The following PTPRD variants were observed in gnomAD, a reference collection of about 807,000 sequenced individuals.
PTPRD encodes protein tyrosine phosphatase receptor type D.
A neutral mutation model predicts 214.5 loss-of-function variants in PTPRD; 34 were observed. That is an observed-to-expected ratio of 0.16 (90% CI 0.12 to 0.21). The LOEUF is 0.21. Ranked by LOEUF, PTPRD falls within the 10% of genes least tolerant of loss-of-function variation. The pLI is 1.00. For missense variants in PTPRD, 2,545 were observed against 2,398.7 expected (o/e 1.06, Z -1.27); for synonymous variants, 1,128 against 845.7 (o/e 1.33, Z -5.79).
At chr9:10,168,479 A>G (rs2099173777) in intron 3 of PTPRD, among the ~76,000 whole-genome samples, 1 of 152,206 alleles carries the variant, frequency 6.6e-6, no homozygotes, top group Non-Finnish European at 1.5e-5. Context: ...TTGCCTCGGC[A>G]TGGGCTCTTA....
chr9:8,842,761 G>C (rs1225102255), intron 11 of PTPRD, among the ~76,000 whole-genome samples: 1 of 152,186 alleles, frequency 6.6e-6, no homozygotes, highest in Admixed American at 6.5e-5. Flanking sequence ...GGATTGGCCT[G>C]ATCTGTGACA....
At chr9:10,397,482 T>C (rs1320423923) in intron 2 of PTPRD, among the ~76,000 whole-genome samples, 1 of 151,974 alleles carries the variant, frequency 6.6e-6, no homozygotes, top group Non-Finnish European at 1.5e-5. Context: ...AAATGGAAAA[T>C]AATAGTGGAC....
Position 9,419,136 on chromosome 9 carries a change from C to CAG in PTPRD, c.-236-21655_-236-21654insCT, listed in dbSNP as rs1445824729. Among the ~76,000 whole-genome samples, 12 of 150,100 alleles carry CAG rather than the reference C, an allele frequency of 8.0e-5. No homozygotes were observed. The East Asian group carries it at 2.3e-3, about 29-fold the overall frequency. ...TAAAGATAGGCCCCTTATACACACA[C>CAG]ACACACACACACACACACACACACA... On this transcript the variant is annotated intron_variant, in intron 8 of 45. Coordinates refer to ENST00000381196, the MANE Select transcript of PTPRD (RefSeq NM_002839.4).
At chr9:8,381,026 C>T (rs10758968) in intron 37 of PTPRD, among the ~76,000 whole-genome samples, 95,522 of 152,008 alleles carry the variant, frequency 0.63, 31,803 homozygotes, top group African/African-American at 0.85. Flanking sequence ...TAATCCAAAA[C>T]GTATTTGCCA....
At chr9:8,760,760 T>C (rs914965431) in intron 11 of PTPRD, among the ~76,000 whole-genome samples, 37 of 152,112 alleles carry the variant, frequency 2.4e-4, no homozygotes, top group African/African-American at 8.9e-4. Flanking sequence ...ATGGCCTTTC[T>C]AGTGATTATT....
rs568088977 is a variant in PTPRD at position 10,408,999 on chromosome 9, G to A, written c.-599-67982C>T. 7.2e-5 allele frequency among the ~76,000 whole-genome samples: 11 copies of A among 151,804 alleles called. No individual in the cohort carries two copies. The East Asian group carries it at 2.0e-3, about 27-fold the overall frequency. ...AAACTAAATTAAATGTAAGACTATA[G>A]ATCAGGAATTGTCAAGCTGCAGCCC... On this transcript the variant is annotated intron_variant, in intron 2 of 45. Transcript: ENST00000381196.
At chr9:8,858,838 C>CACACACAT (rs1262551613) in intron 11 of PTPRD, among the ~76,000 whole-genome samples, 7 of 132,860 alleles carry the variant, frequency 5.3e-5, no homozygotes, top group African/African-American at 2.0e-4. Context: ...CATACACACA[C>CACACACAT]ACAGACACAC....
chr9:10,295,106 C>T (rs1028612560), intron 3 of PTPRD, among the ~76,000 whole-genome samples: 4 of 151,974 alleles, frequency 2.6e-5, no homozygotes. Context: ...TTGAAAATCT[C>T]TAAAGGATAT....
At chr9:10,331,164 G>T (rs1056381300) in intron 3 of PTPRD, among the ~76,000 whole-genome samples, 1 of 151,838 alleles carries the variant, frequency 6.6e-6, no homozygotes, top group Non-Finnish European at 1.5e-5. Context: ...GCCATAGTTT[G>T]TATCATCATA....
intron 2 of PTPRD, among the ~76,000 whole-genome samples, chr9:10,518,522 A>G (rs533571641): frequency 1.3e-5 from 2 of 152,204 alleles, no homozygotes; most frequent in Non-Finnish European, 2.9e-5. Flanking sequence ...AATTTATGTT[A>G]AGATCATTTA....
chr9:9,350,050 T>C (rs192971454), intron 9 of PTPRD, among the ~76,000 whole-genome samples: 88 of 152,100 alleles, frequency 5.8e-4, no homozygotes, highest in Non-Finnish European at 1.2e-3. Flanking sequence ...CTTGAAGAGG[T>C]AGGAACGGAA....
chr9:10,118,825 C>T (rs72694898), intron 3 of PTPRD, among the ~76,000 whole-genome samples: 9,220 of 148,962 alleles, frequency 0.062, 364 homozygotes, highest in Admixed American at 0.1. Flanking sequence ...TTTTTCAAAC[C>T]ATAGGACAAC....
chr9:9,569,161 TCTAA>T (rs1163394772), intron 8 of PTPRD, among the ~76,000 whole-genome samples: 2 of 151,606 alleles, frequency 1.3e-5, no homozygotes, highest in African/African-American at 2.4e-5. Flanking sequence ...GTAATAATCC[TCTAA>T]CTATCTGCAC....
intron 12 of PTPRD, chr9:8,713,262 C>A (rs945820664): frequency 1.8e-5 from 12 of 654,408 alleles, no homozygotes; most frequent in African/African-American, 1.6e-4. Flanking sequence ...CACTTAAAAT[C>A]TTTATCCACT....
chr9:8,655,489 C>T (rs1328242076), intron 12 of PTPRD, among the ~76,000 whole-genome samples: 1 of 152,066 alleles, frequency 6.6e-6, no homozygotes, highest in Non-Finnish European at 1.5e-5. Flanking sequence ...AAATAGTGTG[C>T]CTCATTTTAC....
intron 5 of PTPRD, among the ~76,000 whole-genome samples, chr9:9,778,274 G>A (rs765640118): frequency 6.6e-6 from 1 of 152,184 alleles, no homozygotes; most frequent in African/African-American, 2.4e-5. Flanking sequence ...GTGAGTGCAG[G>A]AACTAAGGGA....
chr9:10,447,952 G>T (rs369660665), intron 2 of PTPRD, among the ~76,000 whole-genome samples: 2 of 152,008 alleles, frequency 1.3e-5, no homozygotes, highest in Non-Finnish European at 2.9e-5. Flanking sequence ...CTGTCTAACA[G>T]TTTGACACTG....
intron 5 of PTPRD, among the ~76,000 whole-genome samples, chr9:9,920,793 C>A (rs543616022): frequency 1.3e-5 from 2 of 152,154 alleles, no homozygotes; most frequent in African/African-American, 4.8e-5. Context: ...ATGTAGATGC[C>A]AGCATTATTT....
chr9:8,463,898 G>T (rs1000213832), intron 32 of PTPRD, among the ~76,000 whole-genome samples: 2 of 151,850 alleles, frequency 1.3e-5, no homozygotes, highest in Non-Finnish European at 2.9e-5. Context: ...ACTCTAGCTG[G>T]ATACAAGTCT....
Sources: gnomAD v4.1 joint callset for allele counts (sites outside exome capture counted in the v4.1 genomes callset) on GRCh38, gnomAD v4.1.1 for gene constraint, MANE v1.5 for transcripts, NCBI Gene and HGNC (gene_info 2026-07-23, HGNC 2026-07-21) for gene names.